TIAM2: variants seen among roughly 807,000 people sequenced by gnomAD.
The protein encoded by TIAM2 is rho guanine nucleotide exchange factor TIAM2.
A neutral mutation model predicts 152.9 loss-of-function variants in TIAM2; 80 were observed. The observed-to-expected ratio is 0.52, with a 90% CI of 0.44 to 0.63. The LOEUF (loss-of-function observed/expected upper bound fraction) is 0.63, where lower values mean the gene tolerates loss of function less well. Among genes scored for constraint, TIAM2 ranks in the 30% least tolerant of loss-of-function variants. The pLI is 0.00. For synonymous variants in TIAM2, 804 were observed against 838.0 expected, an observed-to-expected ratio of 0.96 and a Z score of 0.70; for missense variants, 1,965 against 2,120.1, an observed-to-expected ratio of 0.93 and a Z score of 1.44.
At chr6:155,063,094 G>A (rs912757056) in intron 1 of TIAM2, among the ~76,000 whole-genome samples, 12 of 152,122 alleles carry the variant, frequency 7.9e-5, no homozygotes, top group Admixed American at 7.9e-4. Context: ...GCGATTTGCA[G>A]ATATTTTCTC....
chr6:155,176,164 G>A (rs17086029), intron 9 of TIAM2, among the ~76,000 whole-genome samples: 15,977 of 152,178 alleles, frequency 0.1, 1,297 homozygotes, highest in African/African-American at 0.23. Context: ...AGGCTTCACA[G>A]TGGCCCTTCT....
intron 1 of TIAM2, among the ~76,000 whole-genome samples, chr6:155,017,610 A>T (rs528539167): frequency 6.1e-5 from 9 of 147,218 alleles, no homozygotes; most frequent in Non-Finnish European, 7.4e-5. Flanking sequence ...TTCAAGCTAT[A>T]CTCCTGCCTC....
At chr6:155,043,414 T>C (rs1174555594) in intron 1 of TIAM2, among the ~76,000 whole-genome samples, 2 of 151,992 alleles carry the variant, frequency 1.3e-5, no homozygotes, top group African/African-American at 2.4e-5. Flanking sequence ...GAGGGATCAC[T>C]TGAGTCCAGG....
intron 14 of TIAM2, among the ~76,000 whole-genome samples, chr6:155,205,182 TAAAAAAAAAAAAAA>T (rs61272546): frequency 8.1e-4 from 33 of 40,548 alleles, no homozygotes; most frequent in Middle Eastern, 0.013. Context: ...TATTAATTTC[TAAAAAAAAAAAAAA>T]AAAAAAAAAA....
At chr6:155,143,057 A>T (rs1247781522) in intron 5 of TIAM2, among the ~76,000 whole-genome samples, 1 of 152,244 alleles carries the variant, frequency 6.6e-6, no homozygotes, top group East Asian at 1.9e-4. Flanking sequence ...GGCCCCAGGC[A>T]TTTGTTTACA....
chr6:155,254,388 C>CTTCTGCTG (rs765410701), intron 25 of TIAM2, 31 bp from the exon 26 acceptor site: 1 of 1,606,682 alleles, frequency 6.2e-7, no homozygotes. Context: ...ACTGTGGACA[C>CTTCTGCTG]TTCTGCTGTT....
intron 1 of TIAM2, among the ~76,000 whole-genome samples, chr6:155,006,471 A>G (rs574622269): frequency 1.4e-3 from 215 of 151,882 alleles, no homozygotes; most frequent in African/African-American, 4.9e-3. Context: ...GTTCGAGACC[A>G]GCCTAGCCAA....
chr6:155,093,428 G>A (rs1457323657), intron 2 of TIAM2, among the ~76,000 whole-genome samples: 3 of 152,226 alleles, frequency 2.0e-5, no homozygotes, highest in Admixed American at 2.0e-4. Flanking sequence ...GATGAAGGGA[G>A]TGGGCTTAGC....
chr6:155,142,582 A>G (rs1583212027), intron 5 of TIAM2, among the ~76,000 whole-genome samples: 1 of 152,192 alleles, frequency 6.6e-6, no homozygotes, highest in South Asian at 2.1e-4. Context: ...GGCTTGTAGC[A>G]TGTGCAACAG....
At position 155,218,754 on chromosome 6, in the gene TIAM2, C is replaced by T. The variant is rs569864347; in HGVS notation, c.3168+7447C>T. ...GGAAACTGAACAAATAGATGAGCACCTCAATAAAATGCTGTTGAAAGTAAG... is the reference window on the plus strand; with the variant it reads ...GGAAACTGAACAAATAGATGAGCACTTCAATAAAATGCTGTTGAAAGTAAG... On this transcript the variant is annotated intron_variant, in intron 15 of 26. Transcript: ENST00000682666. This position sits in a 1 kb window ranked among gnomAD's most constrained non-coding sequence, Gnocchi z 4.5. 3.3e-5 allele frequency among the ~76,000 whole-genome samples: 5 copies of T among 152,316 alleles called. No individual in the cohort carries two copies. In the South Asian group the frequency reaches 8.3e-4, roughly 25 times the overall value.
In TIAM2 at chr6:155,071,437, C is replaced by T. The variant is rs560615462; in HGVS notation, c.-208-18852C>T. Reference sequence around the variant, plus strand: ...TTGTTTATTAAGTTGTTATTCAATACTCAGTGCCCAGATATTGTTTACTAT... The same window carrying T: ...TTGTTTATTAAGTTGTTATTCAATATTCAGTGCCCAGATATTGTTTACTAT... On this transcript the variant is annotated intron_variant, in intron 1 of 26. Transcript: ENST00000682666. 1.6e-4 allele frequency among the ~76,000 whole-genome samples: 25 copies of T among 152,312 alleles called. No individual in the cohort carries two copies. In the South Asian group the frequency reaches 4.6e-3, roughly 28 times the overall value.
intron 2 of TIAM2, among the ~76,000 whole-genome samples, chr6:155,096,237 G>A (rs969359950): frequency 5.3e-5 from 8 of 152,070 alleles, no homozygotes; most frequent in African/African-American, 1.2e-4. Flanking sequence ...ATGCATAATC[G>A]ATGTACATAG....
At chr6:155,114,036 A>ATATATATATATATATATTTTT in intron 2 of TIAM2, among the ~76,000 whole-genome samples, 1 of 34,904 alleles carries the variant, frequency 2.9e-5, no homozygotes, top group Non-Finnish European at 5.0e-5. Flanking sequence ...ATATATATAT[A>ATATATATATATATATATTTTT]TTTTTTTTTT....
intron 1 of TIAM2, among the ~76,000 whole-genome samples, chr6:155,014,687 A>T (rs1350749016): frequency 6.6e-6 from 1 of 152,094 alleles, no homozygotes; most frequent in Non-Finnish European, 1.5e-5. Flanking sequence ...ATTTTATATT[A>T]TGTGGTTCAT....
At chr6:155,093,616 A>G (rs1246099459) in intron 2 of TIAM2, among the ~76,000 whole-genome samples, 1 of 152,202 alleles carries the variant, frequency 6.6e-6, no homozygotes, top group Non-Finnish European at 1.5e-5. Flanking sequence ...AGACTTTCCT[A>G]TAGAGCTGTG....
Position 155,052,522 on chromosome 6 carries a change from T to C in TIAM2, c.-208-37767T>C, listed in dbSNP as rs371383380. On this transcript the variant is annotated intron_variant, in intron 1 of 26. Transcript: ENST00000682666. ...GGCTCACACCTGTAATCCTAGCACT[T>C]TGGGAGGCCAAGGCAGGCTGATCAT... is the stretch of plus-strand genomic sequence containing the variant. Among the ~76,000 whole-genome samples the C allele has an allele frequency of 2.0e-4, 31 of 152,198 alleles. No homozygotes were observed. In the South Asian group the frequency reaches 6.4e-3, roughly 32 times the overall value.
At chr6:155,255,100 A>G (rs1273203895) in intron 26 of TIAM2, 1 of 153,664 alleles carries the variant, frequency 6.5e-6, no homozygotes, top group Non-Finnish European at 1.5e-5. Flanking sequence ...GATACTCAAC[A>G]CTTAATTATA....
intron 15 of TIAM2, among the ~76,000 whole-genome samples, chr6:155,238,666 G>A (rs185795404): frequency 5.3e-5 from 8 of 152,176 alleles, no homozygotes; most frequent in Admixed American, 1.3e-4. Context: ...CCCTTTCACC[G>A]AAGCCTTCCT....
intron 2 of TIAM2, among the ~76,000 whole-genome samples, chr6:155,112,195 G>A (rs1030026458): frequency 6.8e-6 from 1 of 147,124 alleles, no homozygotes; most frequent in Admixed American, 7.0e-5. Flanking sequence ...ATGCGATCTC[G>A]GCTCACTGCA....
Sources: allele counts gnomAD v4.1 joint callset (sites outside exome capture counted in the v4.1 genomes callset), GRCh38; gene constraint gnomAD v4.1.1; non-coding constraint Gnocchi (gnomAD v3.1); transcripts MANE v1.5; gene names NCBI Gene and HGNC (gene_info 2026-07-23, HGNC 2026-07-21).